LIG3: variants seen among roughly 807,000 people sequenced by gnomAD.
LIG3 encodes the protein ligase II, DNA, ATP-dependent.
A neutral mutation model predicts 110.9 loss-of-function variants in LIG3; 58 were observed. That is an observed-to-expected ratio of 0.52 (90% CI 0.42 to 0.65). LIG3 has a LOEUF of 0.65. LIG3 is among the 30% of genes least tolerant of loss of function. The probability of loss-of-function intolerance (pLI) is 0.00; values close to 1 mark genes in which losing one functional copy is unlikely to be tolerated. For missense variants in LIG3, 1,094 were observed against 1,273.8 expected (o/e 0.86, Z 2.15); for synonymous variants, 422 against 472.8 (o/e 0.89, Z 1.39).
Position 35,009,393 on chromosome 17 carries a change from C to CAGAGT in LIG3, c.*4889_*4893dup, listed in dbSNP as rs1402527657. ...TTGAAACAAGTCTTAACTGAAATCT[C>CAGAGT]AGAGTAATCAGCAAAAGCTACGGAA... On this transcript the variant is annotated 3_prime_UTR_variant, in exon 20 of 20. Transcript: ENST00000378526. 1 of 152,076 alleles carries CAGAGT rather than the reference C, an allele frequency of 6.6e-6. No homozygotes were observed. The highest frequency in any genetic ancestry group is 1.5e-5 in the Non-Finnish European group (1 of 68,010). 9.4% of individuals were successfully genotyped at this position (152,076 alleles called of 1,614,324 possible).
chr17:34,992,766 G>T, intron 8 of LIG3, 74 bp downstream of exon 8: 6 of 1,407,744 alleles, frequency 4.3e-6, no homozygotes, highest in Non-Finnish European at 4.7e-6. Context: ...ATCAGATAGG[G>T]TATGAGTGTT....
At position 35,006,346 on chromosome 17, in the gene LIG3, C is replaced by G. The variant is rs2090895151; in HGVS notation, c.*1840C>G. 1 of 154,408 alleles carries G rather than the reference C, an allele frequency of 6.5e-6. No homozygotes were observed. The allele number at this position is 154,408 out of a possible 1,614,324, so 9.6% of individuals were successfully genotyped here. A position where few individuals can be genotyped will look rare whatever the true frequency, so the allele number is the denominator to read the frequency against. Reference sequence around the variant, plus strand: ...GGTCACATGTCACTAGTGACTACCACACTGGACAGTGCAGGTGTAGACGGA... The same window carrying G: ...GGTCACATGTCACTAGTGACTACCAGACTGGACAGTGCAGGTGTAGACGGA... On this transcript the variant is annotated 3_prime_UTR_variant, in exon 20 of 20. Coordinates refer to ENST00000378526, the MANE Select transcript of LIG3 (RefSeq NM_013975.4).
intron 12 of LIG3, 29 bp from the exon 13 acceptor site, chr17:34,998,190 C>T (rs775782139): frequency 6.3e-7 from 1 of 1,585,300 alleles, no homozygotes; most frequent in South Asian, 1.1e-5. Context: ...CACTCTCACA[C>T]CAACTTCAGC....
At position 35,009,687 on chromosome 17, in the gene LIG3, TCA is replaced by T. The variant is rs1374353908; in HGVS notation, c.*5182_*5183del. ...TTAAAGGCAAAATGAGTAAACAACC[TCA>T]GTTTTAATTCTTACTGAGGTTACTA... On this transcript the variant is annotated 3_prime_UTR_variant, in exon 20 of 20. Coordinates refer to ENST00000378526, the MANE Select transcript of LIG3 (RefSeq NM_013975.4). 1.3e-5 allele frequency: 2 copies of T among 152,042 alleles called. No homozygotes were observed. The highest frequency in any genetic ancestry group is 2.9e-5 in the Non-Finnish European group (2 of 68,014). 9.4% of individuals were successfully genotyped at this position (152,042 alleles called of 1,614,324 possible).
At chr17:34,980,796 G>A (rs1003712586) in intron 1 of LIG3, 174 bp downstream of exon 1, 6 of 203,946 alleles carry the variant, frequency 2.9e-5, no homozygotes, top group Admixed American at 2.6e-4. Flanking sequence ...CGGGAGCCCA[G>A]GGGGAGGCTC....
chr17:35,004,297 G>T lies in LIG3; in HGVS notation c.2821G>T (p.Val941Leu). The change falls in exon 20 of 20, where the codon GTG (valine) becomes TTG (leucine). Residue 941 changes from valine (V) to leucine (L), a missense_variant. Coordinates refer to ENST00000378526, the MANE Select transcript of LIG3 (RefSeq NM_013975.4). ...GGTATTGCTGGACATCTTCACTGGG[G>T]TGCGGCTTTACTTGCCACCCTCCAC... Reference protein sequence around the residue: ...TKVLLDIFTGVRLYLPPSTPD... With the variant: ...TKVLLDIFTGLRLYLPPSTPD... 1.2e-6 allele frequency: 2 copies of T among 1,614,110 alleles called. No homozygotes were observed. The highest frequency in any genetic ancestry group is 2.2e-5 in the East Asian group (1 of 44,876).
At position 35,004,398 on chromosome 17, in the gene LIG3, A is replaced by G; in HGVS notation, c.2922A>G (p.Ser974=). The change falls in exon 20 of 20, where the codon TCA becomes TCG. Residue 974 remains serine, a synonymous_variant. Coordinates refer to ENST00000378526, the MANE Select transcript of LIG3 (RefSeq NM_013975.4). ...GDLVQEFDMT[S]ATHVLGSRDK... is the part of the protein sequence containing the mutation. ...TGGTACAGGAATTTGATATGACTTC[A>G]GCCACGCACGTGCTGGGTAGCAGGG... The G allele has an allele frequency of 1.9e-6, 3 of 1,614,196 alleles. No individual in the cohort carries two copies. The Middle Eastern group carries it at 4.9e-4, about 266-fold the overall frequency.
At chr17:34,980,958 G>A (rs1309403352) in intron 1 of LIG3, 1 of 152,348 alleles carries the variant, frequency 6.6e-6, no homozygotes, top group African/African-American at 2.4e-5. Flanking sequence ...GACTCAGGGA[G>A]CCTTGATCAC....
Position 34,991,979 on chromosome 17 carries a change from A to G in LIG3, c.1230A>G (p.Lys410=), listed in dbSNP as rs2090726572. ...CTAGGTGTACAGCCAATGACCTTAA[A>G]TGCATCATCAGGTTGATCAAACATG... ...IASRCTANDL[K]CIIRLIKHDL... Residue 410 remains lysine, a synonymous_variant, in exon 7 of 20, where the codon AAA becomes AAG. Coordinates refer to ENST00000378526, the MANE Select transcript of LIG3 (RefSeq NM_013975.4). 1.2e-6 allele frequency: 2 copies of G among 1,614,204 alleles called. No individual in the cohort carries two copies. The highest frequency in any genetic ancestry group is 1.3e-5 in the African/African-American group (1 of 75,054).
intron 5 of LIG3, 101 bp from the exon 6 acceptor site, chr17:34,991,570 C>A: frequency 8.7e-7 from 1 of 1,146,644 alleles, no homozygotes; most frequent in Non-Finnish European, 1.3e-6. Flanking sequence ...GGGATAGGAG[C>A]TATGATTGAA....
At chr17:34,986,183 A>G in intron 3 of LIG3, 52 bp downstream of exon 3, 2 of 1,566,760 alleles carry the variant, frequency 1.3e-6, no homozygotes, top group Non-Finnish European at 1.8e-6. Flanking sequence ...TTTATTTTGT[A>G]TTCTACCTAG....
In LIG3 at chr17:35,008,226, T is replaced by C. The variant is rs190974356; in HGVS notation, c.*3720T>C. On this transcript the variant is annotated 3_prime_UTR_variant, in exon 20 of 20. Coordinates refer to ENST00000378526, the MANE Select transcript of LIG3 (RefSeq NM_013975.4). ...GAACTCACTTGGTGCTTCAACCCAATTGGTCTTGGGATTCATCCTTTACCT... is the reference window on the plus strand; with the variant it reads ...GAACTCACTTGGTGCTTCAACCCAACTGGTCTTGGGATTCATCCTTTACCT... 9 of 152,388 alleles carry C rather than the reference T, an allele frequency of 5.9e-5. No individual in the cohort carries two copies. The highest frequency in any genetic ancestry group is 1.7e-4 in the African/African-American group (7 of 41,582). The allele number at this position is 152,388 out of a possible 1,614,324, so 9.4% of individuals were successfully genotyped here. A position where few individuals can be genotyped will look rare whatever the true frequency, so the allele number is the denominator to read the frequency against.
intron 16 of LIG3, 31 bp from the exon 17 acceptor site, chr17:35,001,226 C>G: frequency 6.2e-7 from 1 of 1,607,196 alleles, no homozygotes; most frequent in Non-Finnish European, 8.5e-7. Flanking sequence ...TCTTCTTAAC[C>G]AGTGATGACC....
In LIG3 at chr17:35,009,089, A is replaced by G. The variant is rs1205678748; in HGVS notation, c.*4583A>G. 6.6e-6 allele frequency: 1 copy of G among 152,582 alleles called. No individual in the cohort carries two copies. Among genetic ancestry groups the G allele is most frequent in the Non-Finnish European group, 1.5e-5 (1 of 68,048 alleles). 9.5% of individuals were successfully genotyped at this position (152,582 alleles called of 1,614,324 possible). Reference sequence around the variant, plus strand: ...CTTTTGTCAGTCCTATCAACCTCTAACATCCTCGCACCAGACAGGACAGGT... The same window carrying G: ...CTTTTGTCAGTCCTATCAACCTCTAGCATCCTCGCACCAGACAGGACAGGT... On this transcript the variant is annotated 3_prime_UTR_variant, in exon 20 of 20. Transcript: ENST00000378526.
intron 11 of LIG3, chr17:34,997,077 G>T: frequency 5.9e-6 from 1 of 168,932 alleles, no homozygotes; most frequent in Non-Finnish European, 1.3e-5. Flanking sequence ...TCAGCTCAGA[G>T]GTTTTGATTT....
intron 13 of LIG3, 39 bp downstream of exon 13, chr17:34,998,335 C>T (rs754162845): frequency 1.4e-5 from 22 of 1,551,516 alleles, no homozygotes; most frequent in South Asian, 1.4e-4. Context: ...TCGACTCACT[C>T]GCAGCCCTCT....
intron 4 of LIG3, among the ~76,000 whole-genome samples, chr17:34,990,242 T>G (rs913773008): frequency 6.6e-6 from 1 of 152,208 alleles, no homozygotes; most frequent in Non-Finnish European, 1.5e-5. Context: ...GGCAGCGATA[T>G]ATAGATATCT....
rs1365468044 is a variant in LIG3 at position 34,996,572 on chromosome 17, A to C, written c.1744-2A>C. ...TACCTACTACCTCATTTTCCCTTAC[A>C]GAAAGCAGCCTTCCAGGATGCTAAT... On this transcript the variant is annotated splice_acceptor_variant, in intron 10 of 19. Coordinates refer to ENST00000378526, the MANE Select transcript of LIG3 (RefSeq NM_013975.4). LOFTEE classifies it high-confidence loss of function. 2.5e-6 allele frequency: 4 copies of C among 1,612,810 alleles called. No individual in the cohort carries two copies. Among genetic ancestry groups the C allele is most frequent in the Non-Finnish European group, 3.4e-6 (4 of 1,179,000 alleles).
At chr17:34,981,773 A>T (rs1008978853) in intron 1 of LIG3, among the ~76,000 whole-genome samples, 2 of 152,262 alleles carry the variant, frequency 1.3e-5, no homozygotes, top group African/African-American at 4.8e-5. Context: ...CAGCGTGTGC[A>T]GACTGAACAT....
Sources: allele counts gnomAD v4.1 joint callset (sites outside exome capture counted in the v4.1 genomes callset), GRCh38; gene constraint gnomAD v4.1.1; transcripts MANE v1.5; gene names NCBI Gene and HGNC (gene_info 2026-07-23, HGNC 2026-07-21).